Variants in NCOR1 observed in about 807,000 individuals in gnomAD.
The protein encoded by NCOR1 is nuclear receptor corepressor 1.
Under a neutral mutation model 288.1 loss-of-function variants are expected in NCOR1, and 63 were observed. The ratio of observed to expected loss-of-function variants is 0.22; its 90% CI spans 0.18 to 0.27. The LOEUF is 0.27. Ranked by LOEUF, NCOR1 falls within the 10% of genes least tolerant of loss-of-function variation. The probability of loss-of-function intolerance (pLI) is 1.00; values close to 1 mark genes in which losing one functional copy is unlikely to be tolerated. For missense variants in NCOR1, 2,397 were observed against 3,019.2 expected (o/e 0.79, Z 4.83); for synonymous variants, 1,007 against 1,065.9 (o/e 0.94, Z 1.08).
chr17:16,138,280 T>TG, intron 12 of NCOR1, 68 bp from the exon 13 acceptor site: 1 of 1,342,062 alleles, frequency 7.5e-7, no homozygotes, highest in African/African-American at 1.5e-5. Context: ...AAAAAAAACT[T>TG]GGGAAAAGAA....
At chr17:16,095,633 G>A (rs2066404578) in intron 21 of NCOR1, among the ~76,000 whole-genome samples, 1 of 94,566 alleles carries the variant, frequency 1.1e-5, no homozygotes, top group Non-Finnish European at 2.2e-5. Context: ...GAGCCCCTCT[G>A]CCCGGCCAGC....
intron 45 of NCOR1, 126 bp from the exon 46 acceptor site, chr17:16,032,609 A>G: frequency 1.2e-6 from 1 of 862,614 alleles, no homozygotes; most frequent in South Asian, 2.0e-5. Context: ...TGAAAGCAAA[A>G]TGAATACAAC....
intron 6 of NCOR1, among the ~76,000 whole-genome samples, chr17:16,155,531 T>C (rs1024735713): frequency 1.3e-5 from 2 of 152,146 alleles, no homozygotes; most frequent in Non-Finnish European, 2.9e-5. Flanking sequence ...ATTGAACTGT[T>C]AAAAATAGTC....
At chr17:16,041,929 G>A (rs2057771418) in intron 42 of NCOR1, among the ~76,000 whole-genome samples, 1 of 151,876 alleles carries the variant, frequency 6.6e-6, no homozygotes, top group Non-Finnish European at 1.5e-5. Context: ...GTAGAGATGG[G>A]ATTTCACCGT....
intron 44 of NCOR1, among the ~76,000 whole-genome samples, chr17:16,038,584 G>A (rs1408464348): frequency 6.6e-6 from 1 of 151,844 alleles, no homozygotes; most frequent in African/African-American, 2.4e-5. Context: ...ACTACAGCGT[G>A]AGCCACCACA....
intron 3 of NCOR1, among the ~76,000 whole-genome samples, chr17:16,178,046 C>T (rs569555067): frequency 6.0e-5 from 9 of 151,248 alleles, no homozygotes; most frequent in African/African-American, 2.2e-4. Flanking sequence ...CCCACCTCTA[C>T]CAAAAATATA....
chr17:16,137,399 C>A lies in NCOR1; in HGVS notation c.1421G>T (p.Cys474Phe). The A allele has an allele frequency of 6.5e-7, 1 of 1,534,480 alleles. No individual in the cohort carries two copies. Among genetic ancestry groups the A allele is most frequent in the Non-Finnish European group, 8.9e-7 (1 of 1,122,052 alleles). Residue 474 changes from cysteine (C) to phenylalanine (F), a missense_variant, in exon 14 of 46, where the codon TGT (cysteine) becomes TTT (phenylalanine). Cys to Phe is a radical substitution (Grantham distance 205). Coordinates refer to ENST00000268712, the MANE Select transcript of NCOR1 (RefSeq NM_006311.4). ...SYLERKSVPD[C>F]VLYYYLTKKN... ...CTTGGTTAAATAGTAATACAAAACACAATCAGGAACACTCTGTAAGAAATA... is the reference window on the plus strand; with the variant it reads ...CTTGGTTAAATAGTAATACAAAACAAAATCAGGAACACTCTGTAAGAAATA...
At chr17:16,151,527 G>A (rs2078869173) in intron 8 of NCOR1, 1 of 1,178,646 alleles carries the variant, frequency 8.5e-7, no homozygotes, top group Non-Finnish European at 1.1e-6. Context: ...TGCAATGGCA[G>A]ATGTGGCTTG....
At chr17:16,098,734 T>C (rs915672130) in intron 20 of NCOR1, 5 of 260,644 alleles carry the variant, frequency 1.9e-5, no homozygotes, top group African/African-American at 6.7e-5. Flanking sequence ...CATACTAAAA[T>C]TGAAATGATA....
chr17:16,140,997 C>CAAAAAAAAAAAAAAAAAAAAAAAAAAAAA (rs372397821), intron 11 of NCOR1, among the ~76,000 whole-genome samples: 2 of 113,750 alleles, frequency 1.8e-5, no homozygotes, highest in African/African-American at 6.7e-5. Context: ...TCTCCTATCT[C>CAAAAAAAAAAAAAAAAAAAAAAAAAAAAA]AAAAAAAAAA....
Position 16,129,330 on chromosome 17 carries a change from T to G in NCOR1, c.1510-3124A>C, listed in dbSNP as rs187084089. ...CCTGCTTTGTCCTCATTGTGACCTT[T>G]GAACCCTTATTCTATCAAATTTTCA... On this transcript the variant is annotated intron_variant, in intron 14 of 45. Transcript: ENST00000268712. Among the ~76,000 whole-genome samples the G allele has an allele frequency of 7.2e-5, 11 of 152,342 alleles. No homozygotes were observed. The East Asian group carries it at 2.1e-3, about 29-fold the overall frequency.
intron 1 of NCOR1, among the ~76,000 whole-genome samples, chr17:16,197,729 A>G (rs1056507576): frequency 6.6e-6 from 1 of 152,184 alleles, no homozygotes. Flanking sequence ...CATTAAAACC[A>G]CCTGAGGAGC....
chr17:16,204,905 G>C (rs1310935885), intron 1 of NCOR1, among the ~76,000 whole-genome samples: 1 of 152,194 alleles, frequency 6.6e-6, no homozygotes, highest in Non-Finnish European at 1.5e-5. Context: ...AATAGCTAGG[G>C]GGATATGTGC....
intron 8 of NCOR1, 50 bp from the exon 9 acceptor site, chr17:16,149,567 A>C: frequency 1.2e-6 from 1 of 867,670 alleles, no homozygotes; most frequent in Non-Finnish European, 1.8e-6. Flanking sequence ...GCACAATTTA[A>C]TAATGCATTC....
intron 9 of NCOR1, among the ~76,000 whole-genome samples, chr17:16,148,679 A>AC (rs1568332370): frequency 6.7e-6 from 1 of 149,720 alleles, no homozygotes; most frequent in Non-Finnish European, 1.5e-5. Flanking sequence ...AAAAAAAAAA[A>AC]AAAAAAAAAA....
At chr17:16,054,070 TAA>T (rs752015595) in intron 40 of NCOR1, among the ~76,000 whole-genome samples, 6,812 of 72,032 alleles carry the variant, frequency 0.095, 268 homozygotes, top group African/African-American at 0.18. Flanking sequence ...GACTTAAATG[TAA>T]AAAAAAAAAA....
chr17:16,147,178 A>C (rs1382062679), intron 9 of NCOR1, among the ~76,000 whole-genome samples: 3 of 152,224 alleles, frequency 2.0e-5, no homozygotes, highest in Non-Finnish European at 4.4e-5. Context: ...TGGGAGGCCA[A>C]GGCAGGTGGA....
rs952950150 is a variant in NCOR1 at position 16,030,051 on chromosome 17, A to T, written c.*2245T>A. On this transcript the variant is annotated 3_prime_UTR_variant, in exon 46 of 46. Transcript: ENST00000268712. ...TGACTCCTCCAAAACTTAACTACTC[A>T]TGGCCTACTGCTGACCAGAAGTCTT... The T allele has an allele frequency of 5.7e-6, 1 of 175,312 alleles. No homozygotes were observed. The highest frequency in any genetic ancestry group is 1.2e-5 in the Non-Finnish European group (1 of 81,418). The allele number at this position is 175,312 out of a possible 1,614,324, so 10.9% of individuals were successfully genotyped here.
intron 10 of NCOR1, 116 bp downstream of exon 10, chr17:16,146,260 C>T: frequency 3.3e-6 from 3 of 896,272 alleles, no homozygotes; most frequent in South Asian, 1.9e-5. Context: ...CTGCCAAATC[C>T]CCCTCTCCGA....
Sources: gnomAD v4.1 joint callset for allele counts (sites outside exome capture counted in the v4.1 genomes callset) on GRCh38, gnomAD v4.1.1 for gene constraint, MANE v1.5 for transcripts, NCBI Gene and HGNC (gene_info 2026-07-23, HGNC 2026-07-21) for gene names.